Variants in WWOX observed in about 807,000 individuals in gnomAD.
WWOX encodes the protein WW domain containing oxidoreductase.
In WWOX, 69 loss-of-function variants were observed where a neutral mutation model predicts 46.2. The ratio of observed to expected loss-of-function variants is 1.49; its 90% confidence interval spans 1.23 to 1.82. The LOEUF (loss-of-function observed/expected upper bound fraction) is 1.82, where lower values mean the gene tolerates loss of function less well. Ranked by LOEUF, WWOX falls within the 40% of genes most tolerant of loss-of-function variation. The probability of loss-of-function intolerance (pLI) is 0.00; values close to 1 mark genes in which losing one functional copy is unlikely to be tolerated. For missense variants in WWOX, 919 were observed against 542.6 expected (o/e 1.69, Z -6.89); for synonymous variants, 359 against 202.6 (o/e 1.77, Z -6.56).
At chr16:78,648,171 G>GA (rs1377473869) in intron 8 of WWOX, among the ~76,000 whole-genome samples, 1 of 152,124 alleles carries the variant, frequency 6.6e-6, no homozygotes, top group Non-Finnish European at 1.5e-5. Flanking sequence ...GGAGTTGAAT[G>GA]AAAAACGGCT....
chr16:78,193,430 G>C (rs2035942859), intron 5 of WWOX, among the ~76,000 whole-genome samples: 1 of 131,730 alleles, frequency 7.6e-6, no homozygotes. Context: ...GAAAAGAAAG[G>C]CACATCTGAG....
chr16:78,744,961 C>G (rs1473938867), intron 8 of WWOX, among the ~76,000 whole-genome samples: 2 of 152,186 alleles, frequency 1.3e-5, no homozygotes, highest in African/African-American at 4.8e-5. Flanking sequence ...TCAGGCTGCG[C>G]TAAGCTGACT....
chr16:78,555,569 C>T (rs1054338962), intron 8 of WWOX, among the ~76,000 whole-genome samples: 2 of 146,220 alleles, frequency 1.4e-5, no homozygotes, highest in African/African-American at 5.0e-5. Context: ...CCACATTCCC[C>T]ACTAAAGGAG....
intron 8 of WWOX, among the ~76,000 whole-genome samples, chr16:78,969,424 A>G (rs1481105201): frequency 1.3e-5 from 2 of 151,946 alleles, no homozygotes; most frequent in East Asian, 3.9e-4. Flanking sequence ...GGCACATGCC[A>G]CCATGCCCAG....
rs140850721 is a variant in WWOX at position 78,457,266 on chromosome 16, C to T, written c.1056+24514C>T. On this transcript the variant is annotated intron_variant, in intron 8 of 8. Coordinates refer to ENST00000566780, the MANE Select transcript of WWOX (RefSeq NM_016373.4). ...ATTATCCAGAGGTAGCAAAAGCTCTCCTGCAAATATTCCATTGCACGACTT... is the reference window on the plus strand; with the variant it reads ...ATTATCCAGAGGTAGCAAAAGCTCTTCTGCAAATATTCCATTGCACGACTT... 3.0e-3 allele frequency among the ~76,000 whole-genome samples: 461 copies of T among 152,296 alleles called. 1 individual carries two copies. The highest frequency in any genetic ancestry group is 5.0e-3 in the Non-Finnish European group (338 of 68,022).
intron 8 of WWOX, among the ~76,000 whole-genome samples, chr16:78,924,070 G>T (rs1274331282): frequency 6.6e-6 from 1 of 151,972 alleles, no homozygotes; most frequent in African/African-American, 2.4e-5. Context: ...ACCCACCTTG[G>T]CCTCCCAAAG....
chr16:78,954,186 G>GTGGATGGA (rs2046119386), intron 8 of WWOX, among the ~76,000 whole-genome samples: 1 of 152,072 alleles, frequency 6.6e-6, no homozygotes. Flanking sequence ...AGATGGATGG[G>GTGGATGGA]TGGATGGATG....
chr16:78,622,984 A>G (rs1443316011), intron 8 of WWOX, among the ~76,000 whole-genome samples: 5 of 152,088 alleles, frequency 3.3e-5, no homozygotes, highest in African/African-American at 1.2e-4. Flanking sequence ...GAGTGCCCTA[A>G]GGAAGCCAGC....
intron 5 of WWOX, chr16:78,270,094 A>C (rs981160623): frequency 1.3e-5 from 2 of 152,116 alleles, no homozygotes; most frequent in South Asian, 2.1e-4. Context: ...AAAATCATCA[A>C]ATTTTTTTTA....
intron 8 of WWOX, among the ~76,000 whole-genome samples, chr16:79,123,584 C>A (rs900513197): frequency 6.6e-6 from 1 of 152,044 alleles, no homozygotes; most frequent in Admixed American, 6.5e-5. Flanking sequence ...CCAGAAGGGT[C>A]TCATCTAACA....
At chr16:78,863,879 C>T (rs765787963) in intron 8 of WWOX, among the ~76,000 whole-genome samples, 3 of 152,202 alleles carry the variant, frequency 2.0e-5, no homozygotes, top group Non-Finnish European at 4.4e-5. Flanking sequence ...GATTGGCCTC[C>T]TCCACTTAGC....
chr16:79,091,210 C>G (rs529807301), intron 8 of WWOX, among the ~76,000 whole-genome samples: 1 of 152,154 alleles, frequency 6.6e-6, no homozygotes, highest in Admixed American at 6.5e-5. Flanking sequence ...TCCTATAAAA[C>G]AAAACAAACA....
chr16:78,755,399 A>C (rs536013856), intron 8 of WWOX, among the ~76,000 whole-genome samples: 1 of 152,256 alleles, frequency 6.6e-6, no homozygotes, highest in Non-Finnish European at 1.5e-5. Context: ...CCTTGTTGCT[A>C]TTCCCCTGGA....
At chr16:79,102,694 A>G (rs2049225903) in intron 8 of WWOX, among the ~76,000 whole-genome samples, 1 of 152,132 alleles carries the variant, frequency 6.6e-6, no homozygotes. Flanking sequence ...TAAAGATGTC[A>G]AGTCTTTTGG....
At chr16:78,226,494 C>T (rs546336505) in intron 5 of WWOX, among the ~76,000 whole-genome samples, 5 of 142,152 alleles carry the variant, frequency 3.5e-5, no homozygotes, top group South Asian at 5.2e-4. Context: ...CCCTCCCTCC[C>T]TCCCTCCCTC....
At chr16:78,714,597 TG>T (rs1235433781) in intron 8 of WWOX, among the ~76,000 whole-genome samples, 1 of 152,082 alleles carries the variant, frequency 6.6e-6, no homozygotes. Context: ...ACATAAAGGA[TG>T]GCAAAAAGTC....
chr16:78,212,116 C>A (rs1431112058), intron 5 of WWOX, among the ~76,000 whole-genome samples: 1 of 152,160 alleles, frequency 6.6e-6, no homozygotes, highest in South Asian at 2.1e-4. Context: ...AACTGCCCTG[C>A]CCAGTCCAGC....
chr16:79,154,702 CT>C (rs1401666827), intron 8 of WWOX, among the ~76,000 whole-genome samples: 4 of 152,166 alleles, frequency 2.6e-5, no homozygotes, highest in African/African-American at 9.7e-5. Context: ...CTGTTAATCA[CT>C]TTCATAGTGT....
At position 78,747,840 on chromosome 16, in the gene WWOX, A is replaced by G. The variant is rs374378527; in HGVS notation, c.1056+315088A>G. ...ACCTCTGTCTCCAAGCTGCTCCATGATCAAGGATAAACTATAATCTTTCTC... is the reference window on the plus strand; with the variant it reads ...ACCTCTGTCTCCAAGCTGCTCCATGGTCAAGGATAAACTATAATCTTTCTC... On this transcript the variant is annotated intron_variant, in intron 8 of 8. Transcript: ENST00000566780. Among the ~76,000 whole-genome samples, 7 of 152,280 alleles carry G rather than the reference A, an allele frequency of 4.6e-5. 2 individuals are homozygous for G. Among genetic ancestry groups the G allele is most frequent in the Admixed American group, 6.5e-5 (1 of 15,300 alleles).
Sources: gnomAD v4.1 joint callset for allele counts (sites outside exome capture counted in the v4.1 genomes callset) on GRCh38, gnomAD v4.1.1 for gene constraint, MANE v1.5 for transcripts, NCBI Gene and HGNC (gene_info 2026-07-23, HGNC 2026-07-21) for gene names.